Variants in CPNE4 observed in about 807,000 individuals in gnomAD.
The protein encoded by CPNE4 is copine-4.
CPNE4 carries 25 observed loss-of-function variants against 67.9 expected under a neutral mutation model. That is an observed-to-expected ratio of 0.37 (90% CI 0.27 to 0.51). The LOEUF is 0.51. CPNE4 is among the 20% of genes least tolerant of loss of function. The pLI is 0.93. For missense variants in CPNE4, 464 were observed against 690.8 expected, an observed-to-expected ratio of 0.67 and a Z score of 3.68; for synonymous variants, 242 against 244.9, an observed-to-expected ratio of 0.99 and a Z score of 0.11.
At chr3:131,951,904 G>C (rs1254387006) in intron 1 of CPNE4, among the ~76,000 whole-genome samples, 7 of 152,046 alleles carry the variant, frequency 4.6e-5, no homozygotes, top group Admixed American at 2.0e-4. Flanking sequence ...GTGTGATCTC[G>C]GCTCGCTACA....
chr3:131,777,551 C>A (rs2083321640), intron 2 of CPNE4, among the ~76,000 whole-genome samples: 1 of 151,866 alleles, frequency 6.6e-6, no homozygotes. Context: ...TCAGAGGATC[C>A]CAGGAGAAGA....
intron 6 of CPNE4, among the ~76,000 whole-genome samples, chr3:131,678,739 T>G (rs1365001571): frequency 6.6e-6 from 1 of 152,232 alleles, no homozygotes. Context: ...GAATCACATT[T>G]ATTGATTTGC....
At position 131,617,869 on chromosome 3, in the gene CPNE4, G is replaced by A. The variant is rs115450667; in HGVS notation, c.682-30287C>T. Among the ~76,000 whole-genome samples the A allele has an allele frequency of 6.2e-3, 938 of 152,222 alleles. 4 individuals are homozygous for A. Among genetic ancestry groups the A allele is most frequent in the Middle Eastern group, 0.024 (7 of 294 alleles). ...GGTCACTGTGACCATTTTCTTCAGA[G>A]GGTTCTGTTTGACACCAATATTAAC... On this transcript the variant is annotated intron_variant, in intron 7 of 15. Coordinates refer to ENST00000429747, the MANE Select transcript of CPNE4 (RefSeq NM_130808.3).
Position 131,829,854 on chromosome 3 carries a change from C to T in CPNE4, c.180+75410G>A, listed in dbSNP as rs1947690. On this transcript the variant is annotated intron_variant, in intron 2 of 15. Coordinates refer to ENST00000429747, the MANE Select transcript of CPNE4 (RefSeq NM_130808.3). ...TCAGGACTGTTTACTAGCAGAACAC[C>T]GAGTTGCATTTCAATTAAGTCATTA... is the stretch of plus-strand genomic sequence containing the variant. Among the ~76,000 whole-genome samples, 435 of 152,164 alleles carry T rather than the reference C, an allele frequency of 2.9e-3. 4 individuals carry two copies. The highest frequency in any genetic ancestry group is 0.019 in the East Asian group (101 of 5,182).
intron 1 of CPNE4, among the ~76,000 whole-genome samples, chr3:132,010,078 C>T (rs1045298702): frequency 1.1e-4 from 17 of 152,152 alleles, no homozygotes; most frequent in African/African-American, 3.9e-4. Flanking sequence ...AGGCATGGGG[C>T]GTGTCTTTGA....
intron 7 of CPNE4, among the ~76,000 whole-genome samples, chr3:131,664,011 G>A (rs2080197179): frequency 6.6e-6 from 1 of 152,170 alleles, no homozygotes; most frequent in African/African-American, 2.4e-5. Context: ...TCCCCTTCAA[G>A]GCAAATAGCT....
chr3:131,782,202 C>T (rs2083446826), intron 2 of CPNE4, among the ~76,000 whole-genome samples: 1 of 151,964 alleles, frequency 6.6e-6, no homozygotes, highest in Admixed American at 6.6e-5. Flanking sequence ...AGAGAATAAT[C>T]AATTTGGCCA....
At chr3:131,793,049 A>C (rs1265539245) in intron 2 of CPNE4, among the ~76,000 whole-genome samples, 1 of 152,036 alleles carries the variant, frequency 6.6e-6, no homozygotes, top group African/African-American at 2.4e-5. Flanking sequence ...TGAGTTGCTT[A>C]AATCAAAATT....
chr3:131,569,362 C>T (rs540389955), intron 10 of CPNE4, among the ~76,000 whole-genome samples: 6 of 152,006 alleles, frequency 3.9e-5, no homozygotes, highest in Non-Finnish European at 7.4e-5. Context: ...AGACTGGGTG[C>T]GGTGGCTCAC....
intron 5 of CPNE4, among the ~76,000 whole-genome samples, chr3:131,689,393 C>T (rs1002074819): frequency 1.3e-5 from 2 of 152,098 alleles, no homozygotes; most frequent in Non-Finnish European, 2.9e-5. Context: ...CTATTACAAT[C>T]AAGTACACTT....
At position 131,746,218 on chromosome 3, in the gene CPNE4, C is replaced by T. The variant is rs146131678; in HGVS notation, c.181-22593G>A. Among the ~76,000 whole-genome samples, 196 of 152,170 alleles carry T rather than the reference C, an allele frequency of 1.3e-3. 2 individuals carry two copies. Among genetic ancestry groups the T allele is most frequent in the African/African-American group, 4.6e-3 (191 of 41,548 alleles). On this transcript the variant is annotated intron_variant, in intron 2 of 15. Coordinates refer to ENST00000429747, the MANE Select transcript of CPNE4 (RefSeq NM_130808.3). ...AGATTCACATATATAGTGTGATAAT[C>T]AAACCATGGTAATTAGCATGCCCAC...
chr3:131,744,590 G>A (rs1439016601), intron 2 of CPNE4, among the ~76,000 whole-genome samples: 1 of 152,094 alleles, frequency 6.6e-6, no homozygotes, highest in African/African-American at 2.4e-5. Flanking sequence ...TTCTCTCTAT[G>A]CCTTCACCTA....
intron 2 of CPNE4, among the ~76,000 whole-genome samples, chr3:131,840,393 AAC>A (rs2085729213): frequency 6.6e-6 from 1 of 152,220 alleles, no homozygotes; most frequent in Admixed American, 6.5e-5. Flanking sequence ...CTCAGTAGGA[AAC>A]AGTCAGCCAA....
At chr3:131,635,516 ATAAAAT>A (rs1379649533) in intron 7 of CPNE4, among the ~76,000 whole-genome samples, 2 of 152,244 alleles carry the variant, frequency 1.3e-5, no homozygotes, top group Non-Finnish European at 2.9e-5. Flanking sequence ...TTAAAATTAA[ATAAAAT>A]TAAAAACTCA....
At chr3:131,621,183 T>C (rs62283175) in intron 7 of CPNE4, among the ~76,000 whole-genome samples, 7,356 of 152,278 alleles carry the variant, frequency 0.048, 247 homozygotes, top group Non-Finnish European at 0.077. Context: ...ATGGAGTTTC[T>C]GTTCCTTATA....
At chr3:132,032,182 T>C (rs1244145122) in intron 1 of CPNE4, among the ~76,000 whole-genome samples, 1 of 152,242 alleles carries the variant, frequency 6.6e-6, no homozygotes, top group Non-Finnish European at 1.5e-5. Context: ...TCAGAGCAAC[T>C]ATTTTCAAAG....
chr3:131,602,706 T>A (rs1489538693), intron 7 of CPNE4, among the ~76,000 whole-genome samples: 2 of 152,122 alleles, frequency 1.3e-5, no homozygotes, highest in Non-Finnish European at 2.9e-5. Context: ...GCTTTGACAG[T>A]GATTTATGCC....
intron 2 of CPNE4, among the ~76,000 whole-genome samples, chr3:131,903,578 A>T (rs2088631469): frequency 6.6e-6 from 1 of 152,096 alleles, no homozygotes; most frequent in African/African-American, 2.4e-5. Context: ...TAAAGATCTC[A>T]GTTTCTGGAG....
intron 6 of CPNE4, among the ~76,000 whole-genome samples, chr3:131,674,986 C>T (rs544842022): frequency 6.6e-6 from 1 of 151,852 alleles, no homozygotes; most frequent in South Asian, 2.1e-4. Flanking sequence ...TTCATATATT[C>T]CATAGGTTTT....
Sources: allele counts gnomAD v4.1 joint callset (sites outside exome capture counted in the v4.1 genomes callset), GRCh38; gene constraint gnomAD v4.1.1; transcripts MANE v1.5; gene names NCBI Gene and HGNC (gene_info 2026-07-23, HGNC 2026-07-21).